AQR: variants seen among roughly 807,000 people sequenced by gnomAD.
AQR encodes the protein aquarius intron-binding spliceosomal factor, also known as RNA helicase aquarius.
A neutral mutation model predicts 180.5 loss-of-function variants in AQR; 61 were observed. That is an observed-to-expected ratio of 0.34 (90% CI 0.28 to 0.42). The LOEUF (loss-of-function observed/expected upper bound fraction) is 0.42. Among genes scored for constraint, AQR ranks in the 10% least tolerant of loss-of-function variants. The pLI is 1.00. For missense variants in AQR, 1,281 were observed against 1,798.3 expected (o/e 0.71, Z 5.20); for synonymous variants, 551 against 588.8 (o/e 0.94, Z 0.93).
At chr15:34,890,384 GA>G in intron 23 of AQR, 60 bp from the exon 24 acceptor site, 1 of 1,396,734 alleles carries the variant, frequency 7.2e-7, no homozygotes, top group South Asian at 1.3e-5. Context: ...CTAACATTTA[GA>G]AAGAATCAAA....
At chr15:34,908,666 T>C (rs1399249650) in intron 17 of AQR, among the ~76,000 whole-genome samples, 1 of 152,162 alleles carries the variant, frequency 6.6e-6, no homozygotes, top group Non-Finnish European at 1.5e-5. Flanking sequence ...CAGAGGCTGA[T>C]GTTTAAAAGA....
intron 23 of AQR, among the ~76,000 whole-genome samples, chr15:34,893,157 AC>A (rs1893176504): frequency 6.6e-6 from 1 of 152,308 alleles, no homozygotes; most frequent in Admixed American, 6.5e-5. Context: ...AAGGCAATTT[AC>A]TTCTGCAGGT....
chr15:34,961,381 G>C (rs1399568782), intron 2 of AQR, among the ~76,000 whole-genome samples: 1 of 152,076 alleles, frequency 6.6e-6, no homozygotes, highest in African/African-American at 2.4e-5. Context: ...GGAGGCCGAA[G>C]AGGGTGGATC....
chr15:34,967,923 C>T (rs573681896), intron 1 of AQR, among the ~76,000 whole-genome samples: 133 of 152,044 alleles, frequency 8.7e-4, no homozygotes, highest in African/African-American at 3.1e-3. Flanking sequence ...AAGCAATTCT[C>T]CTGCCTCAGC....
rs1314344348 is a variant in AQR at position 34,938,801 on chromosome 15, C to T, written c.654G>A (p.Glu218=). 4 of 1,607,956 alleles carry T rather than the reference C, an allele frequency of 2.5e-6. No homozygotes were observed. Among genetic ancestry groups the T allele is most frequent in the African/African-American group, 2.7e-5 (2 of 74,798 alleles). The change falls in exon 9 of 35, where the codon GAG becomes GAA. Residue 218 remains glutamate, a synonymous_variant. Transcript: ENST00000156471. ...GGATGAGTTGTGAAAGAAATCTCCT[C>T]TCTTGATATGCCCTAAAATCAGAAA... ...DPEAREQAYQ[E]RRFLSQLIQK... is the part of the protein sequence containing the mutation.
rs201922911 is a variant in AQR at position 34,940,968 on chromosome 15, G to C, written c.572C>G (p.Pro191Arg). Residue 191 changes from proline to arginine, a missense_variant, in exon 8 of 35, where the codon CCT becomes CGT. Pro to Arg is a moderately radical substitution (Grantham distance 103, BLOSUM62 -2). Transcript: ENST00000156471. ...ARLELELKKT[P>R]KLRKFWNLIK... is the part of the protein sequence containing the mutation. ...CAAGTTCCAGAATTTTCTTAGCTTA[G>C]GTGTCTTTTTTAATTCTAATTCCAA... 5.6e-6 allele frequency: 9 copies of C among 1,609,284 alleles called. No homozygotes were observed. The highest frequency in any genetic ancestry group is 1.6e-4 in the Middle Eastern group (1 of 6,072).
chr15:34,857,178 C>T, intron 34 of AQR, 72 bp from the exon 35 acceptor site: 1 of 1,393,780 alleles, frequency 7.2e-7, no homozygotes, highest in East Asian at 2.4e-5. Context: ...TCTCACATTA[C>T]CATTCTAGAG....
intron 4 of AQR, among the ~76,000 whole-genome samples, chr15:34,951,832 A>G (rs1366744039): frequency 2.0e-5 from 3 of 152,138 alleles, no homozygotes; most frequent in South Asian, 2.1e-4. Flanking sequence ...TCTTGAAAGG[A>G]GGCACGATAT....
At chr15:34,913,396 C>T (rs141261500) in intron 16 of AQR, among the ~76,000 whole-genome samples, 70 of 152,240 alleles carry the variant, frequency 4.6e-4, no homozygotes, top group African/African-American at 1.6e-3. Context: ...TGCTGGTTTT[C>T]ATCTTCAAGA....
chr15:34,877,176 G>C (rs1892899529), intron 27 of AQR, among the ~76,000 whole-genome samples: 1 of 152,104 alleles, frequency 6.6e-6, no homozygotes, highest in African/African-American at 2.4e-5. Flanking sequence ...TGTTCTATCT[G>C]TCCAATTCTC....
chr15:34,878,410 A>T (rs12439543), intron 27 of AQR, among the ~76,000 whole-genome samples: 2 of 149,926 alleles, frequency 1.3e-5, no homozygotes, highest in Non-Finnish European at 3.0e-5. Context: ...AAAAAAAAAA[A>T]GGAGATAGCT....
chr15:34,886,233 C>T (rs959170231), intron 25 of AQR, among the ~76,000 whole-genome samples: 2 of 151,196 alleles, frequency 1.3e-5, no homozygotes, highest in Non-Finnish European at 2.9e-5. Context: ...TGTATTTCTA[C>T]AGTAAAAAAA....
At chr15:34,937,846 T>C (rs965848640) in intron 9 of AQR, among the ~76,000 whole-genome samples, 2 of 151,814 alleles carry the variant, frequency 1.3e-5, no homozygotes. Flanking sequence ...ATTGTGCCAC[T>C]GCACTCCATC....
rs745502901 is a variant in AQR at position 34,918,362 on chromosome 15, C to T, written c.1238G>A (p.Arg413His). Reference sequence around the variant, plus strand: ...CAACTGCTGAATCTGAGAAATTCGACGTTCATGACGAGATACCTAAAATAA... The same window carrying T: ...CAACTGCTGAATCTGAGAAATTCGATGTTCATGACGAGATACCTAAAATAA... ...LLELLVSRHE[R>H]RISQIQQLNQ... is the part of the protein sequence containing the mutation. The change falls in exon 15 of 35, where the codon CGT becomes CAT. Residue 413 changes from arginine to histidine, a missense_variant. Transcript: ENST00000156471. 16 of 1,613,388 alleles carry T rather than the reference C, an allele frequency of 9.9e-6. No homozygotes were observed. The highest frequency in any genetic ancestry group is 4.4e-5 in the South Asian group (4 of 90,970).
intron 22 of AQR, among the ~76,000 whole-genome samples, chr15:34,894,465 A>G (rs930923783): frequency 5.3e-5 from 8 of 152,220 alleles, no homozygotes; most frequent in Admixed American, 4.6e-4. Context: ...AAACTAACTC[A>G]TATCTAGTAG....
chr15:34,857,056 T>G lies in AQR; in HGVS notation c.4194A>C (p.Gln1398His). 1 of 1,613,072 alleles carries G rather than the reference T, an allele frequency of 6.2e-7. No homozygotes were observed. The highest frequency in any genetic ancestry group is 8.5e-7 in the Non-Finnish European group (1 of 1,179,470). The change falls in exon 35 of 35, where the codon CAA (glutamine) becomes CAC (histidine). Residue 1398 changes from glutamine to histidine, a missense_variant. Physicochemically the swap from Gln to His is conservative, Grantham distance 24. Coordinates refer to ENST00000156471, the MANE Select transcript of AQR (RefSeq NM_014691.3). Reference protein sequence around the residue: ...PAMVEEGEEVQNQETELETEE... With the variant: ...PAMVEEGEEVHNQETELETEE... Reference sequence around the variant, plus strand: ...CTGTTTCCAATTCTGTTTCTTGATTTTGAACTTCCTCACCCTCTTCTACCA... The same window carrying G: ...CTGTTTCCAATTCTGTTTCTTGATTGTGAACTTCCTCACCCTCTTCTACCA...
chr15:34,943,523 C>G (rs1203086910), intron 6 of AQR: 6 of 326,414 alleles, frequency 1.8e-5, no homozygotes, highest in Non-Finnish European at 3.1e-5. Context: ...CCAGTGCAGG[C>G]ATCATAAATC....
chr15:34,900,564 G>A, intron 20 of AQR, 58 bp downstream of exon 20: 2 of 1,559,492 alleles, frequency 1.3e-6, no homozygotes, highest in Non-Finnish European at 1.7e-6. Flanking sequence ...AATCCTGATG[G>A]CATAACGTAC....
intron 20 of AQR, 65 bp from the exon 21 acceptor site, chr15:34,897,770 G>A: frequency 6.5e-7 from 1 of 1,539,180 alleles, no homozygotes; most frequent in Non-Finnish European, 8.9e-7. Flanking sequence ...CCTATCTGGT[G>A]CATGACATTG....
Sources: allele counts gnomAD v4.1 joint callset (sites outside exome capture counted in the v4.1 genomes callset), GRCh38; gene constraint gnomAD v4.1.1; transcripts MANE v1.5; gene names NCBI Gene and HGNC (gene_info 2026-07-23, HGNC 2026-07-21).